The following HECW2 variants were observed in gnomAD, a reference collection of about 807,000 sequenced individuals.
The protein encoded by HECW2 is HECT, C2 and WW domain containing E3 ubiquitin protein ligase 2.
Under a neutral mutation model 175.2 loss-of-function variants are expected in HECW2, and 61 were observed. The ratio of observed to expected loss-of-function variants is 0.35; its 90% CI spans 0.28 to 0.43. HECW2 has a LOEUF of 0.43. Ranked by LOEUF, HECW2 falls within the 20% of genes least tolerant of loss-of-function variation. The pLI, the probability that HECW2 is intolerant of heterozygous loss-of-function variation, is 1.00. For synonymous variants in HECW2, 671 were observed against 731.0 expected (o/e 0.92, Z 1.32); for missense variants, 1,524 against 2,000.5 (o/e 0.76, Z 4.54).
chr2:196,308,587 G>A (rs757894650), intron 10 of HECW2, among the ~76,000 whole-genome samples: 4 of 152,100 alleles, frequency 2.6e-5, no homozygotes, highest in East Asian at 3.9e-4. Context: ...AACTATGCTC[G>A]CCTAGTGATG....
rs186036283 is a variant in HECW2, at chr2:196,589,181, G to C, written c.-36+4327C>G. The stretch of plus-strand genomic sequence containing the variant: ...ACCACTGCACTCCAGTCTGGGCAAC[G>C]GAGTGAGACCCTGTCTCAAAAAATA... On this transcript the variant is annotated intron_variant, in intron 1 of 28. Coordinates refer to ENST00000644978, the MANE Select transcript of HECW2 (RefSeq NM_001348768.2). Among the ~76,000 whole-genome samples, 91 of 152,138 alleles carry C rather than the reference G, an allele frequency of 6.0e-4. No homozygotes were observed. The East Asian group carries it at 9.3e-3, about 16-fold the overall frequency.
At chr2:196,260,356 T>C (rs1256732375) in intron 17 of HECW2, 1 of 152,200 alleles carries the variant, frequency 6.6e-6, no homozygotes, top group African/African-American at 2.4e-5. Flanking sequence ...ACATGTCGTC[T>C]GATGTACATC....
intron 1 of HECW2, among the ~76,000 whole-genome samples, chr2:196,443,537 A>G (rs976012249): frequency 1.3e-5 from 2 of 152,364 alleles, no homozygotes; most frequent in Admixed American, 1.3e-4. Flanking sequence ...CATTTTAAGA[A>G]TCATTTTTAA....
intron 14 of HECW2, among the ~76,000 whole-genome samples, chr2:196,282,236 G>C (rs78544578): frequency 5.8e-4 from 88 of 152,202 alleles, no homozygotes; most frequent in African/African-American, 2.0e-3. Flanking sequence ...ATCTGATAAG[G>C]GACAGATGAT....
At chr2:196,363,648 A>C (rs1300954061) in intron 2 of HECW2, among the ~76,000 whole-genome samples, 1 of 152,172 alleles carries the variant, frequency 6.6e-6, no homozygotes, top group Non-Finnish European at 1.5e-5. Context: ...GTGAGACACC[A>C]TCTCTACAAA....
intron 1 of HECW2, among the ~76,000 whole-genome samples, chr2:196,527,909 A>C (rs1232354834): frequency 6.6e-6 from 1 of 152,236 alleles, no homozygotes; most frequent in African/African-American, 2.4e-5. Flanking sequence ...CACAGACTTG[A>C]AAACTACCAG....
chr2:196,590,510 T>G (rs1015944614), intron 1 of HECW2, among the ~76,000 whole-genome samples: 2 of 152,180 alleles, frequency 1.3e-5, no homozygotes, highest in African/African-American at 2.4e-5. Context: ...AGAATGTGGA[T>G]CCAGGCCAGG....
intron 5 of HECW2, among the ~76,000 whole-genome samples, chr2:196,326,278 C>T (rs1367007960): frequency 5.3e-5 from 8 of 152,194 alleles, no homozygotes; most frequent in Middle Eastern, 6.8e-3. Context: ...CCCATAGAAC[C>T]GTATTCTTGA....
At chr2:196,540,694 T>C (rs566655351) in intron 1 of HECW2, among the ~76,000 whole-genome samples, 52 of 152,268 alleles carry the variant, frequency 3.4e-4, no homozygotes, top group Admixed American at 2.5e-3. Context: ...ATCCTCCTAC[T>C]TCAAAGCTCT....
rs147528515 is a variant in HECW2, at chr2:196,366,381, A to C, written c.293-22617T>G. ...CCTCATCTTCGGTGGACAAGGAAAT[A>C]CCTCTAGGAATGTCCATTCAAGCCA... On this transcript the variant is annotated intron_variant, in intron 2 of 28. Transcript: ENST00000644978. 6.6e-3 allele frequency among the ~76,000 whole-genome samples: 999 copies of C among 152,316 alleles called. 8 individuals carry two copies. Among genetic ancestry groups the C allele is most frequent in the Middle Eastern group, 0.02 (6 of 294 alleles).
intron 10 of HECW2, among the ~76,000 whole-genome samples, chr2:196,311,916 G>C (rs539662549): frequency 6.6e-6 from 1 of 152,322 alleles, no homozygotes; most frequent in Admixed American, 6.5e-5. Flanking sequence ...GGCTGGACAT[G>C]AAGGGAAAGT....
chr2:196,396,883 G>A (rs939142978), intron 2 of HECW2, among the ~76,000 whole-genome samples: 10 of 152,118 alleles, frequency 6.6e-5, no homozygotes, highest in East Asian at 1.9e-4. Flanking sequence ...AGGCCGAGGC[G>A]GACGGATCAC....
intron 1 of HECW2, among the ~76,000 whole-genome samples, chr2:196,523,676 T>A (rs1417642959): frequency 6.6e-6 from 1 of 151,602 alleles, no homozygotes; most frequent in Admixed American, 6.6e-5. Flanking sequence ...TTGAGAGTTT[T>A]TAGCATGAAG....
chr2:196,256,544 A>AT (rs1689064209), intron 18 of HECW2, among the ~76,000 whole-genome samples: 2 of 152,240 alleles, frequency 1.3e-5, no homozygotes, highest in Non-Finnish European at 2.9e-5. Context: ...GGTGAATGAT[A>AT]ATTATGACTT....
At chr2:196,314,081 G>A (rs894752416) in intron 10 of HECW2, among the ~76,000 whole-genome samples, 1 of 152,192 alleles carries the variant, frequency 6.6e-6, no homozygotes, top group Admixed American at 6.5e-5. Context: ...AGGGTAGAAA[G>A]AGAGTGACCT....
Position 196,567,397 on chromosome 2 carries a change from G to C in HECW2, c.-36+26111C>G, listed in dbSNP as rs144488356. Among the ~76,000 whole-genome samples, 25 of 152,284 alleles carry C rather than the reference G, an allele frequency of 1.6e-4. No homozygotes were observed. The East Asian group carries it at 2.9e-3, about 18-fold the overall frequency. On this transcript the variant is annotated intron_variant, in intron 1 of 28. Coordinates refer to ENST00000644978, the MANE Select transcript of HECW2 (RefSeq NM_001348768.2). ...AATCATAGAAACTGGTGCCAGAAGTGGTGTGCTGATGTTACATAAATATAA... is the reference window on the plus strand; with the variant it reads ...AATCATAGAAACTGGTGCCAGAAGTCGTGTGCTGATGTTACATAAATATAA...
intron 1 of HECW2, among the ~76,000 whole-genome samples, chr2:196,533,490 T>C (rs937386141): frequency 6.6e-6 from 1 of 152,140 alleles, no homozygotes; most frequent in African/African-American, 2.4e-5. Flanking sequence ...GGGGTATCTT[T>C]TATCTAATTC....
At chr2:196,395,382 C>T (rs1694631232) in intron 2 of HECW2, among the ~76,000 whole-genome samples, 1 of 152,056 alleles carries the variant, frequency 6.6e-6, no homozygotes, top group South Asian at 2.1e-4. Context: ...AAATTTAAAA[C>T]TCTTGTACAT....
rs563514823 is a variant in HECW2, at chr2:196,457,148, A to G, written c.-35-23690T>C. The stretch of plus-strand genomic sequence containing the variant: ...AAATTCTATATGTTGAGCTGCTGAT[A>G]CGTTTTGGAGAGATACTACACATAT... On this transcript the variant is annotated intron_variant, in intron 1 of 28. Transcript: ENST00000644978. 3.3e-4 allele frequency among the ~76,000 whole-genome samples: 51 copies of G among 152,322 alleles called. 1 individual carries two copies. The highest frequency in any genetic ancestry group is 1.2e-3 in the South Asian group (6 of 4,820).
Sources: gnomAD v4.1 joint callset for allele counts (sites outside exome capture counted in the v4.1 genomes callset) on GRCh38, gnomAD v4.1.1 for gene constraint, MANE v1.5 for transcripts, NCBI Gene and HGNC (gene_info 2026-07-23, HGNC 2026-07-21) for gene names.